SH3RF3: variants seen among roughly 807,000 people sequenced by gnomAD.
SH3RF3 encodes the protein SH3 domain containing ring finger 3.
SH3RF3 carries 29 observed loss-of-function variants against 66.3 expected under a neutral mutation model. The observed-to-expected ratio is 0.44, with a 90% CI of 0.33 to 0.60. The LOEUF is 0.60. Among genes scored for constraint, SH3RF3 ranks in the 20% least tolerant of loss-of-function variants. The pLI is 0.04. For synonymous variants in SH3RF3, 583 were observed against 532.0 expected, an observed-to-expected ratio of 1.10 and a Z score of -1.32; for missense variants, 1,194 against 1,190.9, an observed-to-expected ratio of 1.00 and a Z score of -0.04.
intron 3 of SH3RF3, among the ~76,000 whole-genome samples, chr2:109,387,157 C>G (rs190406281): frequency 2.9e-4 from 44 of 152,278 alleles, no homozygotes; most frequent in African/African-American, 1.0e-3. Flanking sequence ...TATAAATTTA[C>G]ATATATTTTG....
chr2:109,489,276 T>C (rs150920061), intron 8 of SH3RF3, among the ~76,000 whole-genome samples: 138,746 of 152,320 alleles, frequency 0.91, 63,376 homozygotes, highest in Middle Eastern at 0.99. Context: ...AGACACCTTA[T>C]CGGGTGGAGA....
At chr2:109,459,509 G>C (rs1678157066) in intron 8 of SH3RF3, among the ~76,000 whole-genome samples, 1 of 152,050 alleles carries the variant, frequency 6.6e-6, no homozygotes, top group South Asian at 2.1e-4. Flanking sequence ...CTCAGTCACG[G>C]GGCATTGTGA....
intron 1 of SH3RF3, among the ~76,000 whole-genome samples, chr2:109,307,873 G>A (rs1419194588): frequency 1.6e-5 from 2 of 127,556 alleles, no homozygotes; most frequent in East Asian, 2.1e-4. Context: ...GAATAATGCC[G>A]CAGTAAACAT....
At chr2:109,235,712 G>A (rs1679631008) in intron 1 of SH3RF3, among the ~76,000 whole-genome samples, 1 of 152,208 alleles carries the variant, frequency 6.6e-6, no homozygotes, top group African/African-American at 2.4e-5. Context: ...GTGTGCAGTC[G>A]AGGCATCCCT....
intron 8 of SH3RF3, among the ~76,000 whole-genome samples, chr2:109,452,137 C>CA (rs1437363015): frequency 6.6e-6 from 1 of 152,232 alleles, no homozygotes; most frequent in Non-Finnish European, 1.5e-5. Flanking sequence ...AAGGCATTTA[C>CA]AGCTGCCATT....
chr2:109,159,605 A>G (rs1027379041), intron 1 of SH3RF3, among the ~76,000 whole-genome samples: 2 of 152,170 alleles, frequency 1.3e-5, no homozygotes, highest in Non-Finnish European at 1.5e-5. Flanking sequence ...TGGGCCATGG[A>G]CTGATACCAG....
Position 109,503,411 on chromosome 2 carries a change from G to T in SH3RF3, c.*1740G>T, listed in dbSNP as rs1457983253. Reference sequence around the variant, plus strand: ...TGACTTGGCTACTTGTTACTTCCAGGTGGTCACCACACGGCGGGGGTCATG... The same window carrying T: ...TGACTTGGCTACTTGTTACTTCCAGTTGGTCACCACACGGCGGGGGTCATG... On this transcript the variant is annotated 3_prime_UTR_variant, in exon 10 of 10. Coordinates refer to ENST00000309415, the MANE Select transcript of SH3RF3 (RefSeq NM_001099289.3). 2 of 152,092 alleles carry T rather than the reference G, an allele frequency of 1.3e-5. No homozygotes were observed. Among genetic ancestry groups the T allele is most frequent in the African/African-American group, 2.4e-5 (1 of 41,408 alleles). 9.4% of individuals were successfully genotyped at this position (152,092 alleles called of 1,614,324 possible). A position where few individuals can be genotyped will look rare whatever the true frequency, so the allele number is the denominator to read the frequency against.
At chr2:109,392,157 A>C (rs1028373516) in intron 3 of SH3RF3, among the ~76,000 whole-genome samples, 1 of 152,192 alleles carries the variant, frequency 6.6e-6, no homozygotes, top group Non-Finnish European at 1.5e-5. Flanking sequence ...TGAATCTCTA[A>C]AATGTACCCA....
At chr2:109,301,307 G>T (rs1353247705) in intron 1 of SH3RF3, among the ~76,000 whole-genome samples, 1 of 149,258 alleles carries the variant, frequency 6.7e-6, no homozygotes, top group African/African-American at 2.5e-5. Context: ...TGTGTATGTG[G>T]TGGGGGGCGG....
rs139354687 is a variant in SH3RF3, at chr2:109,433,999, CGAA to C, written c.1574+1333_1574+1335del. Among the ~76,000 whole-genome samples the C allele has an allele frequency of 9.6e-3, 1,455 of 152,292 alleles. 29 individuals carry two copies. Among genetic ancestry groups the C allele is most frequent in the African/African-American group, 0.033 (1,384 of 41,556 alleles). On this transcript the variant is annotated intron_variant, in intron 6 of 9. Transcript: ENST00000309415. ...GTGACTTGCCCAGTGTGCGCAGCCC[CGAA>C]GAAGGTCTCTGGTCTGGATTTCCCA...
intron 1 of SH3RF3, among the ~76,000 whole-genome samples, chr2:109,172,221 T>G (rs1558939420): frequency 2.0e-5 from 3 of 152,222 alleles, no homozygotes; most frequent in Admixed American, 1.3e-4. Flanking sequence ...CAGCCAGGCC[T>G]CTGAGCACAG....
At chr2:109,431,716 A>G (rs1480258361) in intron 5 of SH3RF3, among the ~76,000 whole-genome samples, 1 of 152,180 alleles carries the variant, frequency 6.6e-6, no homozygotes, top group Non-Finnish European at 1.5e-5. Flanking sequence ...TACAAAAAAT[A>G]AAAAACTTAG....
intron 1 of SH3RF3, among the ~76,000 whole-genome samples, chr2:109,196,973 G>A (rs554308851): frequency 5.6e-4 from 85 of 152,318 alleles, no homozygotes; most frequent in Admixed American, 7.2e-4. Flanking sequence ...TGGGCACTGG[G>A]AACAGGTGCT....
intron 1 of SH3RF3, among the ~76,000 whole-genome samples, chr2:109,216,063 G>T (rs1276134110): frequency 6.6e-6 from 1 of 152,178 alleles, no homozygotes. Flanking sequence ...AGACAGCCAA[G>T]CAGTCAGTCT....
intron 1 of SH3RF3, among the ~76,000 whole-genome samples, chr2:109,211,277 T>C (rs1244731941): frequency 6.6e-6 from 1 of 152,176 alleles, no homozygotes; most frequent in African/African-American, 2.4e-5. Flanking sequence ...TGTCCTGCCA[T>C]TTGCAGCAAG....
intron 1 of SH3RF3, among the ~76,000 whole-genome samples, chr2:109,232,811 T>C (rs1679545048): frequency 6.6e-6 from 1 of 152,214 alleles, no homozygotes; most frequent in African/African-American, 2.4e-5. Context: ...CATTTTATAC[T>C]TGAAAACTAA....
intron 4 of SH3RF3, among the ~76,000 whole-genome samples, chr2:109,408,743 A>G (rs1248641343): frequency 6.6e-6 from 1 of 152,266 alleles, no homozygotes; most frequent in African/African-American, 2.4e-5. Flanking sequence ...CACCGCCTGT[A>G]AAGGAGGCAC....
intron 1 of SH3RF3, chr2:109,141,526 G>A (rs1676949176): frequency 6.5e-6 from 1 of 154,938 alleles, no homozygotes; most frequent in Non-Finnish European, 1.5e-5. Context: ...CAGCTGCAGA[G>A]ATCACCAGTC....
chr2:109,394,311 G>A (rs1293642813), intron 3 of SH3RF3, among the ~76,000 whole-genome samples: 1 of 152,208 alleles, frequency 6.6e-6, no homozygotes, highest in African/African-American at 2.4e-5. Flanking sequence ...GTGGTAAGCG[G>A]GGTCCCCTGT....
Sources: gnomAD v4.1 joint callset for allele counts (sites outside exome capture counted in the v4.1 genomes callset) on GRCh38, gnomAD v4.1.1 for gene constraint, MANE v1.5 for transcripts, NCBI Gene and HGNC (gene_info 2026-07-23, HGNC 2026-07-21) for gene names.